ARFRP1: variants seen among roughly 807,000 people sequenced by gnomAD.
ARFRP1 encodes ARF related protein 1.
A neutral mutation model predicts 30.3 loss-of-function variants in ARFRP1; 19 were observed. The ratio of observed to expected loss-of-function variants is 0.63; its 90% CI spans 0.44 to 0.92. The LOEUF is 0.92. Ranked by LOEUF, ARFRP1 falls within the 40% of genes least tolerant of loss-of-function variation. The pLI is 0.00. For missense variants in ARFRP1, 245 were observed against 267.5 expected, an observed-to-expected ratio of 0.92 and a Z score of 0.59; for synonymous variants, 133 against 114.2, an observed-to-expected ratio of 1.16 and a Z score of -1.05.
chr20:63,705,589 C>G, intron 4 of ARFRP1: 1 of 514,608 alleles, frequency 1.9e-6, no homozygotes, highest in South Asian at 1.4e-5. Flanking sequence ...GAGGAGTCTT[C>G]TGGTGATCAT....
chr20:63,704,908 G>C (rs550981974), intron 4 of ARFRP1: 16 of 152,402 alleles, frequency 1.0e-4, no homozygotes, highest in African/African-American at 3.8e-4. Context: ...TGAAGTCCCG[G>C]CCAGCCTGGC....
chr20:63,700,881 T>C lies in ARFRP1; in HGVS notation c.418-179A>G, dbSNP rs558564969. 7.5e-6 allele frequency: 6 copies of C among 798,990 alleles called. No homozygotes were observed. In the African/African-American group the frequency reaches 8.7e-5, roughly 12 times the overall value. 49.5% of individuals were successfully genotyped at this position (798,990 alleles called of 1,614,324 possible). A position where few individuals can be genotyped will look rare whatever the true frequency, so the allele number is the denominator to read the frequency against. ...GAGGACCCTGTGCTCAGCCCGAGGC[T>C]GAACATGGCTGGTAGTGCCTGAGAC... On this transcript the variant is annotated intron_variant, in intron 6 of 7. Coordinates refer to ENST00000622789, the MANE Select transcript of ARFRP1 (RefSeq NM_001267547.3).
chr20:63,701,823 G>C lies in ARFRP1; in HGVS notation c.417+7C>G. 6.5e-7 allele frequency: 1 copy of C among 1,549,782 alleles called. No homozygotes were observed. Among genetic ancestry groups the C allele is most frequent in the Non-Finnish European group, 8.7e-7 (1 of 1,146,660 alleles). On this transcript the variant is annotated splice_region_variant and intron_variant, in intron 6 of 7. Transcript: ENST00000622789. ...AAGCTGCTGCGGGAGGCAGGGGTGG[G>C]GCTCACCTCCACATCCTGCTTGTTG...
At chr20:63,701,025 T>G (rs574920362) in intron 6 of ARFRP1, among the ~76,000 whole-genome samples, 1 of 152,126 alleles carries the variant, frequency 6.6e-6, no homozygotes, top group Admixed American at 6.5e-5. Flanking sequence ...CGGAGGCAGG[T>G]CCCAGGGGCC....
chr20:63,701,057 G>A (rs2091179291), intron 6 of ARFRP1: 27 of 398,478 alleles, frequency 6.8e-5, no homozygotes, highest in South Asian at 5.3e-4. Flanking sequence ...GGATGATGGA[G>A]AGGTGGGAGC....
intron 6 of ARFRP1, 83 bp downstream of exon 6, chr20:63,701,747 G>A: frequency 7.5e-7 from 1 of 1,326,484 alleles, no homozygotes; most frequent in Non-Finnish European, 1.1e-6. Flanking sequence ...GGCCTGGGGT[G>A]TCTGGGTGCA....
At position 63,700,585 on chromosome 20, in the gene ARFRP1, G is replaced by A. The variant is rs2091153553; in HGVS notation, c.518+17C>T. On this transcript the variant is annotated intron_variant, in intron 7 of 7. Coordinates refer to ENST00000622789, the MANE Select transcript of ARFRP1 (RefSeq NM_001267547.3). ...GTCTCGGTCCCCAAAGCCCCCGCAG[G>A]TGCAGCCCCCACTCACCCTGTGAGG... is the stretch of plus-strand genomic sequence containing the variant. 1 of 1,610,392 alleles carries A rather than the reference G, an allele frequency of 6.2e-7. No homozygotes were observed. Among genetic ancestry groups the A allele is most frequent in the Admixed American group, 1.7e-5 (1 of 59,994 alleles).
intron 5 of ARFRP1, 98 bp from the exon 6 acceptor site, chr20:63,701,998 G>GTCCCCCCCCCCC: frequency 1.7e-6 from 1 of 583,914 alleles, no homozygotes; most frequent in South Asian, 2.1e-5. Context: ...CACTCCCTCT[G>GTCCCCCCCCCCC]CCCCCCCCCC....
chr20:63,701,342 T>G (rs781169749), intron 6 of ARFRP1: 3 of 535,564 alleles, frequency 5.6e-6, no homozygotes, highest in South Asian at 4.2e-5. Flanking sequence ...AGAGAACAGC[T>G]AGAACTCAGC....
intron 4 of ARFRP1, 135 bp downstream of exon 4, chr20:63,706,222 T>TG: frequency 2.4e-6 from 2 of 828,258 alleles, no homozygotes; most frequent in Non-Finnish European, 3.9e-6. Flanking sequence ...CTCGGGAACC[T>TG]GGGACAGGAC....
At chr20:63,702,996 G>T (rs920876195) in intron 4 of ARFRP1, 4 of 152,300 alleles carry the variant, frequency 2.6e-5, no homozygotes, top group African/African-American at 9.6e-5. Flanking sequence ...CACAGCCCCT[G>T]CAGCCTCAGG....
Position 63,700,291 on chromosome 20 carries a change from A to T in ARFRP1, c.*152T>A. Reference sequence around the variant, plus strand: ...TCCGGATGCCTACGCTTTTCCAGACATAGAGGAAAGTTTGTCTTCGAGAAA... The same window carrying T: ...TCCGGATGCCTACGCTTTTCCAGACTTAGAGGAAAGTTTGTCTTCGAGAAA... On this transcript the variant is annotated 3_prime_UTR_variant, in exon 8 of 8. Coordinates refer to ENST00000622789, the MANE Select transcript of ARFRP1 (RefSeq NM_001267547.3). The T allele has an allele frequency of 8.5e-7, 1 of 1,180,974 alleles. No individual in the cohort carries two copies. Among genetic ancestry groups the T allele is most frequent in the Non-Finnish European group, 1.2e-6 (1 of 851,068 alleles). 73.2% of individuals were successfully genotyped at this position (1,180,974 alleles called of 1,614,324 possible).
chr20:63,705,408 A>T (rs2091404673), intron 4 of ARFRP1: 1 of 270,266 alleles, frequency 3.7e-6, no homozygotes, highest in Non-Finnish European at 7.5e-6. Context: ...TAGGGCAGGG[A>T]GCCCGAGGAA....
intron 5 of ARFRP1, 97 bp from the exon 6 acceptor site, chr20:63,701,997 T>TGGGGGGG: frequency 1.6e-5 from 11 of 684,558 alleles, no homozygotes; most frequent in Non-Finnish European, 2.2e-5. Flanking sequence ...CCACTCCCTC[T>TGGGGGGG]GCCCCCCCCC....
At position 63,698,800 on chromosome 20, in the gene ARFRP1, T is replaced by G; in HGVS notation, c.*1643A>C. The G allele has an allele frequency of 6.8e-6, 3 of 441,782 alleles. No individual in the cohort carries two copies. The allele number at this position is 441,782 out of a possible 1,614,324, so 27.4% of individuals were successfully genotyped here. A position where few individuals can be genotyped will look rare whatever the true frequency, so the allele number is the denominator to read the frequency against. On this transcript the variant is annotated 3_prime_UTR_variant, in exon 8 of 8. Coordinates refer to ENST00000622789, the MANE Select transcript of ARFRP1 (RefSeq NM_001267547.3). ...ACTGCTGCCCGGGGCTTCCCCTACC[T>G]CAGACAGACCCTCCCTGGGAGGATC...
chr20:63,700,280 C>T lies in ARFRP1; in HGVS notation c.*163G>A, dbSNP rs2091133350. On this transcript the variant is annotated 3_prime_UTR_variant, in exon 8 of 8. Coordinates refer to ENST00000622789, the MANE Select transcript of ARFRP1 (RefSeq NM_001267547.3). ...CCTCCAAAGCCTCCGGATGCCTACG[C>T]TTTTCCAGACATAGAGGAAAGTTTG... 8 of 1,122,528 alleles carry T rather than the reference C, an allele frequency of 7.1e-6. No individual in the cohort carries two copies. Among genetic ancestry groups the T allele is most frequent in the Non-Finnish European group, 1.0e-5 (8 of 801,982 alleles). The allele number at this position is 1,122,528 out of a possible 1,614,324, so 69.5% of individuals were successfully genotyped here. A position where few individuals can be genotyped will look rare whatever the true frequency, so the allele number is the denominator to read the frequency against.
Position 63,701,856 on chromosome 20 carries a change from C to G in ARFRP1, c.391G>C (p.Val131Leu). Residue 131 changes from valine to leucine, a missense_variant, in exon 6 of 8, where the codon GTG becomes CTG. By Grantham distance (32) the Val-to-Leu change is conservative. Transcript: ENST00000622789. ...SEALCGVPVL[V>L]LANKQDVETC... ...TCCACATCCTGCTTGTTGGCCAGCA[C>G]CAAGACGGGGACACCGCACAGCGCC... The G allele has an allele frequency of 6.4e-7, 1 of 1,550,554 alleles. No individual in the cohort carries two copies. The highest frequency in any genetic ancestry group is 8.7e-7 in the Non-Finnish European group (1 of 1,147,082).
chr20:63,701,776 T>G, intron 6 of ARFRP1, 54 bp downstream of exon 6: 1 of 1,490,006 alleles, frequency 6.7e-7, no homozygotes, highest in Non-Finnish European at 9.1e-7. Flanking sequence ...CCCCTTGCTG[T>G]GGGGGAGGCT....
At chr20:63,706,267 A>G in intron 4 of ARFRP1, 90 bp downstream of exon 4, 1 of 1,232,356 alleles carries the variant, frequency 8.1e-7, no homozygotes, top group Admixed American at 1.7e-5. Flanking sequence ...GTGGGTAAGG[A>G]AAACTGCTGA....
Sources: gnomAD v4.1 joint callset for allele counts (sites outside exome capture counted in the v4.1 genomes callset) on GRCh38, gnomAD v4.1.1 for gene constraint, MANE v1.5 for transcripts, NCBI Gene and HGNC (gene_info 2026-07-23, HGNC 2026-07-21) for gene names.